Variants in KDM4C observed in about 807,000 individuals in gnomAD.
KDM4C encodes lysine-specific demethylase 4C.
A neutral mutation model predicts 129.3 loss-of-function variants in KDM4C; 81 were observed. The ratio of observed to expected loss-of-function variants is 0.63; its 90% CI spans 0.52 to 0.75. The LOEUF (loss-of-function observed/expected upper bound fraction) is 0.75, where lower values mean the gene tolerates loss of function less well. Among genes scored for constraint, KDM4C ranks in the 30% least tolerant of loss-of-function variants. The probability of loss-of-function intolerance (pLI) is 0.00; values close to 1 mark genes in which losing one functional copy is unlikely to be tolerated. For synonymous variants in KDM4C, 573 were observed against 456.1 expected, an observed-to-expected ratio of 1.26 and a Z score of -3.26; for missense variants, 1,457 against 1,304.0, an observed-to-expected ratio of 1.12 and a Z score of -1.81.
At chr9:6,879,475 G>C (rs763670060) in intron 5 of KDM4C, among the ~76,000 whole-genome samples, 1 of 152,096 alleles carries the variant, frequency 6.6e-6, no homozygotes, top group Non-Finnish European at 1.5e-5. Context: ...ATTAAAGTCT[G>C]TTTGAAAATT....
At chr9:6,857,068 A>T (rs1448107573) in intron 5 of KDM4C, among the ~76,000 whole-genome samples, 1 of 152,084 alleles carries the variant, frequency 6.6e-6, no homozygotes, top group African/African-American at 2.4e-5. Context: ...GAGCCTTCCT[A>T]GGCTGGTTTT....
At chr9:6,948,021 G>A (rs1420499656) in intron 8 of KDM4C, 2 of 151,852 alleles carry the variant, frequency 1.3e-5, no homozygotes, top group Admixed American at 6.6e-5. Context: ...TTGATTTCCT[G>A]TTTTTTTCTA....
chr9:6,742,679 G>A (rs375457996), intron 1 of KDM4C, among the ~76,000 whole-genome samples: 1 of 65,256 alleles, frequency 1.5e-5, no homozygotes. Context: ...GTGGGGTGGG[G>A]AATTTTTTTT....
chr9:6,725,802 G>C (rs1489610987), intron 1 of KDM4C, among the ~76,000 whole-genome samples: 201 of 112,094 alleles, frequency 1.8e-3, no homozygotes, highest in Middle Eastern at 0.018. Context: ...CTCCACCTCC[G>C]TGGTTCAAGC....
chr9:6,814,815 T>G, intron 4 of KDM4C, 70 bp downstream of exon 4: 1 of 921,518 alleles, frequency 1.1e-6, no homozygotes, highest in South Asian at 1.8e-5. Flanking sequence ...ATTTAAGCAG[T>G]TTAGAAGTGT....
intron 8 of KDM4C, among the ~76,000 whole-genome samples, chr9:6,946,160 A>G (rs1826927092): frequency 6.6e-6 from 1 of 152,196 alleles, no homozygotes; most frequent in Non-Finnish European, 1.5e-5. Context: ...AAGTAGTTGC[A>G]ATTGATACTA....
rs148060583 is a variant in KDM4C at position 6,775,886 on chromosome 9, C to G, written c.-17-17086C>G. ...GCTTGGTAATTCCTTGTTGTGGGGA[C>G]TTTTTTATGTTTAACAGCATCTACC... is the stretch of plus-strand genomic sequence containing the variant. On this transcript the variant is annotated intron_variant, in intron 1 of 21. Coordinates refer to ENST00000381309, the MANE Select transcript of KDM4C (RefSeq NM_015061.6). Among the ~76,000 whole-genome samples, 806 of 152,190 alleles carry G rather than the reference C, an allele frequency of 5.3e-3. 7 individuals carry two copies. Among genetic ancestry groups the G allele is most frequent in the African/African-American group, 0.018 (765 of 41,526 alleles).
chr9:6,871,462 C>G (rs1399458116), intron 5 of KDM4C, among the ~76,000 whole-genome samples: 1 of 152,090 alleles, frequency 6.6e-6, no homozygotes, highest in Non-Finnish European at 1.5e-5. Flanking sequence ...CAACATAATC[C>G]TGTAAATATC....
intron 12 of KDM4C, among the ~76,000 whole-genome samples, chr9:7,001,060 A>G (rs923568980): frequency 6.6e-6 from 1 of 152,210 alleles, no homozygotes; most frequent in East Asian, 1.9e-4. Flanking sequence ...GTGAATGGTT[A>G]GAAGGTGGCT....
Position 6,949,125 on chromosome 9 carries a change from C to T in KDM4C, c.922-31800C>T, listed in dbSNP as rs568229576. Among the ~76,000 whole-genome samples the T allele has an allele frequency of 3.1e-3, 463 of 151,328 alleles. 1 individual carries two copies. The highest frequency in any genetic ancestry group is 0.011 in the African/African-American group (441 of 41,224). ...CCGGGTGGAGACGCTCCTCACTTCC[C>T]AGACGGGGCGGCTGCTGGGCGGAGG... On this transcript the variant is annotated intron_variant, in intron 8 of 21. Transcript: ENST00000381309.
chr9:6,984,328 A>G lies in KDM4C; in HGVS notation c.1278A>G (p.Glu426=), dbSNP rs759373009. The G allele has an allele frequency of 1.2e-6, 2 of 1,614,100 alleles. No homozygotes were observed. Among genetic ancestry groups the G allele is most frequent in the South Asian group, 1.1e-5 (1 of 91,072 alleles). ...SEAAVKLRNT[E]ASSEEESSAS... ...CAGCAGTGAAGCTGAGGAACACAGA[A>G]GCATCTTCAGAAGAAGAGTCATCTG... Residue 426 remains glutamate (E), a synonymous_variant, in exon 10 of 22, where the codon GAA becomes GAG. Coordinates refer to ENST00000381309, the MANE Select transcript of KDM4C (RefSeq NM_015061.6).
In KDM4C at chr9:6,758,022, G is replaced by C. The variant is rs1028514380; in HGVS notation, c.-199G>C. 3.0e-6 allele frequency: 3 copies of C among 985,308 alleles called. No homozygotes were observed. The highest frequency in any genetic ancestry group is 6.1e-5 in the Admixed American group (1 of 16,270). 61.0% of individuals were successfully genotyped at this position (985,308 alleles called of 1,614,324 possible). On this transcript the variant is annotated 5_prime_UTR_variant, in exon 1 of 22. Transcript: ENST00000381309. The surrounding 1 kb of genome is among the most constrained non-coding windows in gnomAD (Gnocchi z 4.6). The stretch of plus-strand genomic sequence containing the variant: ...GCCGCTGCCTCCCACCCACCCCCTC[G>C]ACGGGAGGGTGAGGCGCGGCGCAGT...
chr9:6,888,798 T>C (rs1235869756), intron 7 of KDM4C, among the ~76,000 whole-genome samples: 7 of 118,678 alleles, frequency 5.9e-5, no homozygotes, highest in Admixed American at 8.1e-5. Context: ...TTTTTTTTTT[T>C]TTTTTTTGAG....
At chr9:6,985,717 G>C (rs957660596) in intron 10 of KDM4C, among the ~76,000 whole-genome samples, 6 of 152,034 alleles carry the variant, frequency 3.9e-5, no homozygotes, top group African/African-American at 1.4e-4. Flanking sequence ...TTGAGACAGA[G>C]TCTCTCTCTG....
chr9:7,101,268 A>G (rs1275896011), intron 17 of KDM4C, among the ~76,000 whole-genome samples: 2 of 152,122 alleles, frequency 1.3e-5, no homozygotes, highest in Non-Finnish European at 2.9e-5. Context: ...GATGTCTTTA[A>G]CCTACTAGAT....
intron 15 of KDM4C, among the ~76,000 whole-genome samples, chr9:7,021,879 C>G (rs1824922465): frequency 6.6e-6 from 1 of 152,096 alleles, no homozygotes. Context: ...ATTTAAGTAT[C>G]TAGTTTTCCC....
intron 1 of KDM4C, among the ~76,000 whole-genome samples, chr9:6,787,768 T>G (rs1825785796): frequency 6.6e-6 from 1 of 152,208 alleles, no homozygotes; most frequent in African/African-American, 2.4e-5. Flanking sequence ...TGATTTACAA[T>G]ATGTGAGCCA....
chr9:7,145,441 A>G (rs902683506), intron 19 of KDM4C, among the ~76,000 whole-genome samples: 1 of 151,146 alleles, frequency 6.6e-6, no homozygotes, highest in Non-Finnish European at 1.5e-5. Context: ...TGGGGGGCGC[A>G]CTCCCCTCTC....
intron 1 of KDM4C, among the ~76,000 whole-genome samples, chr9:6,737,568 G>C (rs1205064539): frequency 6.7e-6 from 1 of 150,204 alleles, no homozygotes; most frequent in Non-Finnish European, 1.5e-5. Flanking sequence ...GGAGCCTGAG[G>C]CAGGAGAATC....
Sources: allele counts gnomAD v4.1 joint callset (sites outside exome capture counted in the v4.1 genomes callset), GRCh38; gene constraint gnomAD v4.1.1; non-coding constraint Gnocchi (gnomAD v3.1); transcripts MANE v1.5; gene names NCBI Gene and HGNC (gene_info 2026-07-23, HGNC 2026-07-21).